The following AGK variants were observed in gnomAD, a reference collection of about 807,000 sequenced individuals.
AGK encodes the protein acylglycerol kinase.
In AGK, 52 loss-of-function variants were observed where a neutral mutation model predicts 66.4. The ratio of observed to expected loss-of-function variants is 0.78; its 90% CI spans 0.63 to 0.99. The LOEUF (loss-of-function observed/expected upper bound fraction) is 0.99. Among genes scored for constraint, AGK ranks in the 50% least tolerant of loss-of-function variants. The pLI is 0.00. For synonymous variants in AGK, 182 were observed against 181.1 expected, an observed-to-expected ratio of 1.00 and a Z score of -0.04; for missense variants, 451 against 506.6, an observed-to-expected ratio of 0.89 and a Z score of 1.05.
chr7:141,615,964 A>G (rs1796694013), intron 8 of AGK: 1 of 161,244 alleles, frequency 6.2e-6, no homozygotes, highest in Non-Finnish European at 1.3e-5. Context: ...GCCTGGCTTC[A>G]TTATCTTGAT....
intron 9 of AGK, among the ~76,000 whole-genome samples, chr7:141,622,130 A>G (rs1200755476): frequency 6.7e-6 from 1 of 150,024 alleles, no homozygotes; most frequent in Non-Finnish European, 1.5e-5. Context: ...TTGGTCTGTC[A>G]CCCAGGCTGG....
At chr7:141,602,211 G>GTGTGTGTGTGTGTGTGTT (rs1447452917) in intron 5 of AGK, among the ~76,000 whole-genome samples, 3 of 151,022 alleles carry the variant, frequency 2.0e-5, no homozygotes, top group Admixed American at 6.6e-5. Flanking sequence ...GTGTGTGTGT[G>GTGTGTGTGTGTGTGTGTT]TATGTAGAGA....
intron 2 of AGK, among the ~76,000 whole-genome samples, chr7:141,590,907 A>G (rs1469514706): frequency 1.3e-5 from 2 of 152,042 alleles, no homozygotes; most frequent in Non-Finnish European, 2.9e-5. Context: ...AGGTTGCACA[A>G]CGCTCTTTGC....
intron 2 of AGK, among the ~76,000 whole-genome samples, chr7:141,585,022 A>G (rs561116981): frequency 7.2e-5 from 11 of 152,344 alleles, no homozygotes; most frequent in Non-Finnish European, 1.2e-4. Context: ...GGTTTGGAGA[A>G]CAAGAAGAGA....
intron 6 of AGK, among the ~76,000 whole-genome samples, chr7:141,611,799 A>G (rs1159236128): frequency 1.3e-5 from 2 of 152,220 alleles, no homozygotes; most frequent in Non-Finnish European, 2.9e-5. Context: ...AGATGCCACT[A>G]TGCACCTATT....
chr7:141,614,558 A>AT (rs1249155053), intron 7 of AGK, among the ~76,000 whole-genome samples: 1 of 152,082 alleles, frequency 6.6e-6, no homozygotes, highest in Non-Finnish European at 1.5e-5. Context: ...AAAGTTTTGA[A>AT]TAAAAAAAAA....
chr7:141,648,343 T>C (rs936793393), intron 13 of AGK, among the ~76,000 whole-genome samples: 8 of 152,252 alleles, frequency 5.3e-5, no homozygotes, highest in Non-Finnish European at 7.3e-5. Context: ...GTTTTGTTCA[T>C]TGGTGTAACC....
At chr7:141,567,372 T>A (rs1795495386) in intron 2 of AGK, among the ~76,000 whole-genome samples, 1 of 152,224 alleles carries the variant, frequency 6.6e-6, no homozygotes, top group African/African-American at 2.4e-5. Context: ...GCTCTTAGTT[T>A]GTCTTTTGGT....
chr7:141,556,017 A>G (rs1413113213), intron 2 of AGK, among the ~76,000 whole-genome samples: 1 of 152,188 alleles, frequency 6.6e-6, no homozygotes, highest in Non-Finnish European at 1.5e-5. Context: ...TTGGTTTTAT[A>G]CATTTTAGGG....
intron 13 of AGK, among the ~76,000 whole-genome samples, chr7:141,646,602 G>A (rs980188364): frequency 2.0e-5 from 3 of 152,122 alleles, no homozygotes; most frequent in Non-Finnish European, 2.9e-5. Flanking sequence ...CCACAGGCCC[G>A]ACTATCCTGC....
In AGK at chr7:141,654,272, T is replaced by C. The variant is rs555183141; in HGVS notation, c.*1348T>C. 8 of 152,350 alleles carry C rather than the reference T, an allele frequency of 5.3e-5. No homozygotes were observed. The highest frequency in any genetic ancestry group is 1.4e-4 in the African/African-American group (6 of 41,582). The allele number at this position is 152,350 out of a possible 1,614,324, so 9.4% of individuals were successfully genotyped here. On this transcript the variant is annotated 3_prime_UTR_variant, in exon 16 of 16. Coordinates refer to ENST00000649286, the MANE Select transcript of AGK (RefSeq NM_018238.4). ...AAAAGTTTTTTTATTAGAATGTTCT[T>C]TATCCTAATTAGTTCATTTATCCAA... is the stretch of plus-strand genomic sequence containing the variant.
chr7:141,637,729 G>C, intron 11 of AGK, among the ~76,000 whole-genome samples: 1 of 152,088 alleles, frequency 6.6e-6, no homozygotes, highest in East Asian at 1.9e-4. Flanking sequence ...GAGAAGGTTG[G>C]TTCCAATGTT....
intron 11 of AGK, among the ~76,000 whole-genome samples, chr7:141,637,803 T>G (rs1797205911): frequency 6.6e-6 from 1 of 152,210 alleles, no homozygotes; most frequent in African/African-American, 2.4e-5. Context: ...TGCAAAACAT[T>G]TGGAAAACAT....
chr7:141,565,376 C>T (rs1795445696), intron 2 of AGK, among the ~76,000 whole-genome samples: 1 of 152,112 alleles, frequency 6.6e-6, no homozygotes. Context: ...CTAGGCTAGG[C>T]TTGGTGGCTC....
In AGK at chr7:141,596,607, G is replaced by T; in HGVS notation, c.187G>T (p.Ala63Ser). ...LIPPNAQVKK[A>S]TVFLNPAACK... ...TCCTCCCAATGCACAAGTGAAGAAGGCCACTGTTTTTCTCAATCCTGCAGC... is the reference window on the plus strand; with the variant it reads ...TCCTCCCAATGCACAAGTGAAGAAGTCCACTGTTTTTCTCAATCCTGCAGC... The change falls in exon 4 of 16, where the codon GCC becomes TCC. Residue 63 changes from alanine to serine, a missense_variant. Ala to Ser is a moderately conservative substitution (Grantham distance 99, BLOSUM62 1). Coordinates refer to ENST00000649286, the MANE Select transcript of AGK (RefSeq NM_018238.4). The T allele has an allele frequency of 6.2e-7, 1 of 1,613,986 alleles. No homozygotes were observed. The highest frequency in any genetic ancestry group is 1.1e-5 in the South Asian group (1 of 91,074).
intron 1 of AGK, among the ~76,000 whole-genome samples, chr7:141,552,732 C>T (rs1179935184): frequency 6.6e-6 from 1 of 152,192 alleles, no homozygotes; most frequent in Non-Finnish European, 1.5e-5. Flanking sequence ...AATTGTTTGA[C>T]CTTCTTCTGT....
chr7:141,555,590 C>A lies in AGK; in HGVS notation c.101+23C>A. On this transcript the variant is annotated intron_variant, in intron 2 of 15. Coordinates refer to ENST00000649286, the MANE Select transcript of AGK (RefSeq NM_018238.4). The surrounding 1 kb of genome is among the most constrained non-coding windows in gnomAD (Gnocchi z 4.2). ...CTGGTAACTATCTGACAGCCCCATC[C>A]CACCTTTGCATCTGCAGCAAAACAG... is the stretch of plus-strand genomic sequence containing the variant. 6.3e-7 allele frequency: 1 copy of A among 1,576,570 alleles called. No individual in the cohort carries two copies. Among genetic ancestry groups the A allele is most frequent in the South Asian group, 1.1e-5 (1 of 89,000 alleles).
intron 15 of AGK, among the ~76,000 whole-genome samples, chr7:141,651,879 C>T (rs1797569544): frequency 6.6e-6 from 1 of 152,148 alleles, no homozygotes. Flanking sequence ...TTTAGGTCTC[C>T]TTTTATTTTT....
chr7:141,595,753 T>C (rs1181136826), intron 3 of AGK, among the ~76,000 whole-genome samples: 1 of 152,170 alleles, frequency 6.6e-6, no homozygotes, highest in Non-Finnish European at 1.5e-5. Context: ...AGAGTTCCCA[T>C]TCATTTCTCA....
Sources: gnomAD v4.1 joint callset for allele counts (sites outside exome capture counted in the v4.1 genomes callset) on GRCh38, gnomAD v4.1.1 for gene constraint, Gnocchi (gnomAD v3.1) non-coding constraint, MANE v1.5 for transcripts, NCBI Gene and HGNC (gene_info 2026-07-23, HGNC 2026-07-21) for gene names.